Variants in BAIAP2 observed in about 807,000 individuals in gnomAD.
BAIAP2 encodes BAR/IMD domain containing adaptor protein 2.
Under a neutral mutation model 63.0 loss-of-function variants are expected in BAIAP2, and 18 were observed. That is an observed-to-expected ratio of 0.29 (90% CI 0.20 to 0.42). The LOEUF (loss-of-function observed/expected upper bound fraction) is 0.42, where lower values mean the gene tolerates loss of function less well. Among genes scored for constraint, BAIAP2 ranks in the 10% least tolerant of loss-of-function variants. BAIAP2 has a pLI of 1.00. For synonymous variants in BAIAP2, 386 were observed against 307.6 expected (o/e 1.25, Z -2.67); for missense variants, 610 against 734.3 (o/e 0.83, Z 1.96).
chr17:81,080,630 C>T (rs977930263), intron 3 of BAIAP2, among the ~76,000 whole-genome samples: 3 of 152,362 alleles, frequency 2.0e-5, no homozygotes, highest in South Asian at 4.1e-4. Flanking sequence ...TGTTGTCTTC[C>T]AGATGTTCCT....
At chr17:81,104,165 TAC>T (rs2058841866) in intron 9 of BAIAP2, 57 bp downstream of exon 9, 8 of 1,573,708 alleles carry the variant, frequency 5.1e-6, no homozygotes, top group South Asian at 4.5e-5. Context: ...CCTCAGACCC[TAC>T]AGTCATGCCA....
Position 81,110,164 on chromosome 17 carries a change from G to A in BAIAP2, c.1535+1655G>A, listed in dbSNP as rs529936776. ...AAGCTGCGGCGCTCCTTTATCTGAT[G>A]TGGTTTAGTAAAAGCCTCCCACACA... On this transcript the variant is annotated intron_variant, in intron 13 of 13. Coordinates refer to ENST00000428708, the MANE Select transcript of BAIAP2 (RefSeq NM_001144888.2). 2.0e-5 allele frequency: 20 copies of A among 985,668 alleles called. No homozygotes were observed. The African/African-American group carries it at 3.1e-4, about 15-fold the overall frequency. The allele number at this position is 985,668 out of a possible 1,614,324, so 61.1% of individuals were successfully genotyped here.
At chr17:81,087,283 G>A (rs4969382) in intron 6 of BAIAP2, among the ~76,000 whole-genome samples, 33,341 of 152,248 alleles carry the variant, frequency 0.22, 4,402 homozygotes, top group Admixed American at 0.34. Flanking sequence ...GGTGGGCAAG[G>A]TGTGGCTGTG....
intron 7 of BAIAP2, among the ~76,000 whole-genome samples, chr17:81,101,682 C>T (rs942010407): frequency 6.6e-6 from 1 of 152,224 alleles, no homozygotes; most frequent in Admixed American, 6.5e-5. Flanking sequence ...CTCCAGTCCC[C>T]ACAGCCTGGG....
chr17:81,067,398 ATGG>A (rs902997090), intron 3 of BAIAP2, among the ~76,000 whole-genome samples: 1 of 152,172 alleles, frequency 6.6e-6, no homozygotes. Flanking sequence ...GGGGGGCCTC[ATGG>A]TGGGCGGGTG....
chr17:81,088,431 C>T (rs906839773), intron 6 of BAIAP2, among the ~76,000 whole-genome samples: 2 of 152,244 alleles, frequency 1.3e-5, no homozygotes, highest in Non-Finnish European at 2.9e-5. Context: ...ATTTCACGGG[C>T]ACAGTCCAGT....
chr17:81,047,485 A>G (rs769080046), intron 1 of BAIAP2, among the ~76,000 whole-genome samples: 39 of 152,242 alleles, frequency 2.6e-4, no homozygotes, highest in African/African-American at 8.4e-4. Context: ...CACATGTAGC[A>G]CACACACAGG....
At chr17:81,081,556 C>T (rs1026290166) in intron 3 of BAIAP2, among the ~76,000 whole-genome samples, 1 of 152,186 alleles carries the variant, frequency 6.6e-6, no homozygotes, top group Admixed American at 6.5e-5. Flanking sequence ...TGGGCAGCGC[C>T]TGCTCACGTC....
intron 2 of BAIAP2, chr17:81,057,624 C>T: frequency 8.2e-7 from 1 of 1,212,602 alleles, no homozygotes; most frequent in Non-Finnish European, 1.0e-6. Flanking sequence ...TGCAATTTGA[C>T]TTGAATAGCT....
chr17:81,085,156 A>G (rs1026205103), intron 4 of BAIAP2: 4 of 555,638 alleles, frequency 7.2e-6, no homozygotes, highest in Admixed American at 6.2e-5. Flanking sequence ...TCCTGATCGC[A>G]GCCCCAGCCA....
intron 3 of BAIAP2, among the ~76,000 whole-genome samples, chr17:81,059,138 C>G (rs2050127446): frequency 6.6e-6 from 1 of 152,234 alleles, no homozygotes; most frequent in African/African-American, 2.4e-5. Flanking sequence ...CCCCCCACGC[C>G]CCCACAGGCT....
intron 6 of BAIAP2, among the ~76,000 whole-genome samples, chr17:81,099,290 C>T (rs1016679559): frequency 4.0e-5 from 6 of 151,752 alleles, no homozygotes; most frequent in Admixed American, 1.3e-4. Flanking sequence ...GGTGTCTTAG[C>T]GTCCCGCTCC....
chr17:81,055,089 C>G (rs570458358), intron 2 of BAIAP2, among the ~76,000 whole-genome samples: 8 of 152,338 alleles, frequency 5.3e-5, no homozygotes, highest in African/African-American at 1.9e-4. Flanking sequence ...GCTCCTCCAC[C>G]GCTTCCTGGT....
At chr17:81,059,449 C>T (rs1340717679) in intron 3 of BAIAP2, among the ~76,000 whole-genome samples, 2 of 152,094 alleles carry the variant, frequency 1.3e-5, no homozygotes, top group African/African-American at 4.8e-5. Context: ...GTGAAAGGGG[C>T]ATTTTCTTTT....
intron 7 of BAIAP2, among the ~76,000 whole-genome samples, chr17:81,100,380 C>T (rs1022856835): frequency 3.3e-5 from 5 of 152,158 alleles, no homozygotes; most frequent in Non-Finnish European, 7.4e-5. Flanking sequence ...ACAGCCATGT[C>T]CTGGGCAGGT....
At chr17:81,037,398 A>G (rs930163794) in intron 1 of BAIAP2, among the ~76,000 whole-genome samples, 1 of 151,958 alleles carries the variant, frequency 6.6e-6, no homozygotes, top group African/African-American at 2.4e-5. Context: ...TCCTGCTGCC[A>G]CTCCGGGAGC....
intron 3 of BAIAP2, among the ~76,000 whole-genome samples, chr17:81,082,318 G>A (rs949336243): frequency 5.9e-5 from 9 of 152,170 alleles, no homozygotes; most frequent in Non-Finnish European, 1.0e-4. Context: ...GCTCATGCCC[G>A]CACACATATG....
chr17:81,085,208 C>T (rs2055359839), intron 4 of BAIAP2: 1 of 518,424 alleles, frequency 1.9e-6, no homozygotes, highest in Non-Finnish European at 3.5e-6. Flanking sequence ...GGCACACTTC[C>T]CCTGGCCTCT....
intron 3 of BAIAP2, among the ~76,000 whole-genome samples, chr17:81,080,162 A>G (rs1271920026): frequency 6.6e-6 from 1 of 152,148 alleles, no homozygotes; most frequent in Admixed American, 6.5e-5. Context: ...CTGGTGCTCC[A>G]TGTGCCCCGT....
Sources: gnomAD v4.1 joint callset for allele counts (sites outside exome capture counted in the v4.1 genomes callset) on GRCh38, gnomAD v4.1.1 for gene constraint, MANE v1.5 for transcripts, NCBI Gene and HGNC (gene_info 2026-07-23, HGNC 2026-07-21) for gene names.